Variants in PCDHGB3 observed in about 807,000 individuals in gnomAD.
PCDHGB3 encodes protocadherin gamma subfamily B, 3.
Under a neutral mutation model 59.2 loss-of-function variants are expected in PCDHGB3, and 40 were observed. The ratio of observed to expected loss-of-function variants is 0.68; its 90% confidence interval spans 0.52 to 0.88. The LOEUF (loss-of-function observed/expected upper bound fraction) is 0.88, where lower values mean the gene tolerates loss of function less well. Ranked by LOEUF, PCDHGB3 falls within the 40% of genes least tolerant of loss-of-function variation. PCDHGB3 has a pLI of 0.00. For synonymous variants in PCDHGB3, 581 were observed against 503.6 expected (o/e 1.15, Z -2.06); for missense variants, 1,309 against 1,187.9 (o/e 1.10, Z -1.50).
At chr5:141,393,806 C>CA in intron 1 of PCDHGB3, 12 of 1,613,866 alleles carry the variant, frequency 7.4e-6, no homozygotes, top group Non-Finnish European at 1.0e-5. Flanking sequence ...TGGGGAGGAC[C>CA]AAATTGCTCA....
intron 1 of PCDHGB3, among the ~76,000 whole-genome samples, chr5:141,402,429 T>C (rs2094263946): frequency 6.6e-6 from 1 of 151,986 alleles, no homozygotes; most frequent in Admixed American, 6.6e-5. Flanking sequence ...AATTGAAGCA[T>C]CATAAAAAGG....
chr5:141,397,978 C>T (rs2093593315), intron 1 of PCDHGB3: 3 of 1,261,604 alleles, frequency 2.4e-6, no homozygotes, highest in Admixed American at 2.8e-5. Flanking sequence ...CAGCGCCGGC[C>T]TTTACACCGC....
chr5:141,467,672 AT>A (rs1199631144), intron 1 of PCDHGB3, among the ~76,000 whole-genome samples: 1 of 151,634 alleles, frequency 6.6e-6, no homozygotes, highest in Non-Finnish European at 1.5e-5. Context: ...GAAGATTTTT[AT>A]TTTTTTTAGA....
intron 1 of PCDHGB3, among the ~76,000 whole-genome samples, chr5:141,457,968 G>A (rs919621979): frequency 6.6e-6 from 1 of 152,120 alleles, no homozygotes; most frequent in African/African-American, 2.4e-5. Context: ...TTCCTTAAAG[G>A]GAAACACACC....
At chr5:141,460,596 C>G (rs930441447) in intron 1 of PCDHGB3, among the ~76,000 whole-genome samples, 2 of 151,986 alleles carry the variant, frequency 1.3e-5, no homozygotes, top group Non-Finnish European at 2.9e-5. Flanking sequence ...TTTCTGGGCT[C>G]TCTGTGTTAG....
rs1429603639 is a variant in PCDHGB3 at position 141,415,751 on chromosome 5, T to TTG, written c.2415+42943_2415+42944insGT. 7.1e-5 allele frequency: 95 copies of TTG among 1,328,716 alleles called. No homozygotes were observed. The African/African-American group carries it at 1.1e-3, about 15-fold the overall frequency. 82.3% of individuals were successfully genotyped at this position (1,328,716 alleles called of 1,614,324 possible). Reference sequence around the variant, plus strand: ...TGATGTTTATTAAGGTTTTTTTTTTTTTTTTTTTTTTTTTTTTTTTTACTT... The same window carrying TTG: ...TGATGTTTATTAAGGTTTTTTTTTTTTGTTTTTTTTTTTTTTTTTTTTTACTT... On this transcript the variant is annotated intron_variant, in intron 1 of 3. Coordinates refer to ENST00000576222, the MANE Select transcript of PCDHGB3 (RefSeq NM_018924.5).
chr5:141,412,357 T>A (rs756056496), intron 1 of PCDHGB3: 17 of 152,366 alleles, frequency 1.1e-4, no homozygotes, highest in Middle Eastern at 3.4e-3. Context: ...TAGTTTGTGA[T>A]TACCTGCTTA....
At chr5:141,381,826 C>CTTTTTTTTTTTTT (rs770630741) in intron 1 of PCDHGB3, among the ~76,000 whole-genome samples, 10 of 74,294 alleles carry the variant, frequency 1.3e-4, no homozygotes, top group Non-Finnish European at 1.9e-4. Context: ...CTTTCTTCTT[C>CTTTTTTTTTTTTT]TTTTTTTTTT....
intron 1 of PCDHGB3, chr5:141,384,198 C>T (rs539882096): frequency 6.2e-7 from 1 of 1,613,734 alleles, no homozygotes; most frequent in Non-Finnish European, 8.5e-7. Context: ...CTCCCTTGTC[C>T]AGGGAAACTC....
At position 141,432,987 on chromosome 5, in the gene PCDHGB3, T is replaced by C. The variant is rs1259121931; in HGVS notation, c.2415+60178T>C. ...GCGCCGGCGTCGCACTTTGTGGGCGTGGACGGGGTGCAGGCTTTCCTGCAG... is the reference window on the plus strand; with the variant it reads ...GCGCCGGCGTCGCACTTTGTGGGCGCGGACGGGGTGCAGGCTTTCCTGCAG... On this transcript the variant is annotated intron_variant, in intron 1 of 3. Coordinates refer to ENST00000576222, the MANE Select transcript of PCDHGB3 (RefSeq NM_018924.5). The surrounding 1 kb of genome is among the most constrained non-coding windows in gnomAD (Gnocchi z 6.0). The C allele has an allele frequency of 3.7e-6, 6 of 1,614,174 alleles. No individual in the cohort carries two copies. Among genetic ancestry groups the C allele is most frequent in the Non-Finnish European group, 5.1e-6 (6 of 1,180,032 alleles).
intron 1 of PCDHGB3, among the ~76,000 whole-genome samples, chr5:141,435,953 G>A (rs2097789156): frequency 6.6e-6 from 1 of 151,984 alleles, no homozygotes; most frequent in Non-Finnish European, 1.5e-5. Context: ...CAAAAAAGGG[G>A]GCAAAATATA....
intron 1 of PCDHGB3, chr5:141,414,814 A>C (rs1368279926): frequency 6.2e-7 from 1 of 1,614,100 alleles, no homozygotes; most frequent in African/African-American, 1.3e-5. Flanking sequence ...TCCTCCACTC[A>C]GCAGCAACGT....
chr5:141,404,350 C>T (rs757103755), intron 1 of PCDHGB3: 1 of 1,613,894 alleles, frequency 6.2e-7, no homozygotes, highest in Non-Finnish European at 8.5e-7. Flanking sequence ...AAAACAACGC[C>T]AGAGGTACTT....
At chr5:141,392,957 C>T in intron 1 of PCDHGB3, 1 of 1,613,932 alleles carries the variant, frequency 6.2e-7, no homozygotes, top group Non-Finnish European at 8.5e-7. Flanking sequence ...TGGGTAATAT[C>T]TCCAAGGACC....
At chr5:141,376,367 G>A in intron 1 of PCDHGB3, 1 of 1,614,224 alleles carries the variant, frequency 6.2e-7, no homozygotes, top group Non-Finnish European at 8.5e-7. Context: ...ACTCACTGCA[G>A]ACTCGCGTAA....
Position 141,493,858 on chromosome 5 carries a change from C to A in PCDHGB3, c.2416-949C>A, listed in dbSNP as rs2099750481. Among the ~76,000 whole-genome samples, 1 of 152,184 alleles carries A rather than the reference C, an allele frequency of 6.6e-6. No homozygotes were observed. The highest frequency in any genetic ancestry group is 1.5e-5 in the Non-Finnish European group (1 of 68,030). On this transcript the variant is annotated intron_variant, in intron 1 of 3. Transcript: ENST00000576222. The surrounding 1 kb of genome is among the most constrained non-coding windows in gnomAD (Gnocchi z 4.3). ...AGTATGAGTATTAATTACCAGCCCA[C>A]CCCAGAACCAGTGAGGAGGTGGCTC...
rs2099730037 is a variant in PCDHGB3 at position 141,491,783 on chromosome 5, A to G, written c.2416-3024A>G. The G allele has an allele frequency of 1.3e-6, 2 of 1,539,618 alleles. No homozygotes were observed. The highest frequency in any genetic ancestry group is 2.2e-5 in the Admixed American group (1 of 46,412). On this transcript the variant is annotated intron_variant, in intron 1 of 3. Transcript: ENST00000576222. The surrounding 1 kb of genome is among the most constrained non-coding windows in gnomAD (Gnocchi z 6.9). ...CGTCCTCATAAGGGATTGAACTTGC[A>G]TCCACTCCTCTCCGGCCGGCTTGGT...
At chr5:141,501,602 A>T (rs766918685) in intron 2 of PCDHGB3, among the ~76,000 whole-genome samples, 1 of 152,026 alleles carries the variant, frequency 6.6e-6, no homozygotes. Flanking sequence ...TACCAGTTCC[A>T]GCTGTGTGAC....
intron 1 of PCDHGB3, among the ~76,000 whole-genome samples, chr5:141,472,611 G>T (rs1055885253): frequency 1.3e-5 from 2 of 151,938 alleles, no homozygotes; most frequent in South Asian, 4.1e-4. Context: ...ATAAAACAAA[G>T]AAGAAAAAAG....
Sources: allele counts gnomAD v4.1 joint callset (sites outside exome capture counted in the v4.1 genomes callset), GRCh38; gene constraint gnomAD v4.1.1; non-coding constraint Gnocchi (gnomAD v3.1); transcripts MANE v1.5; gene names NCBI Gene and HGNC (gene_info 2026-07-23, HGNC 2026-07-21).